Variants in VHL observed in about 807,000 individuals in gnomAD.
VHL encodes von Hippel-Lindau tumor suppressor.
In VHL, 10 loss-of-function variants were observed where a neutral mutation model predicts 19.2. That is an observed-to-expected ratio of 0.52 (90% CI 0.32 to 0.89). The LOEUF (loss-of-function observed/expected upper bound fraction) is 0.89. VHL is among the 40% of genes least tolerant of loss of function. The pLI, the probability that VHL is intolerant of heterozygous loss-of-function variation, is 0.03. For synonymous variants in VHL, 167 were observed against 129.5 expected (o/e 1.29, Z -1.97); for missense variants, 328 against 292.7 (o/e 1.12, Z -0.88).
Position 10,151,052 on chromosome 3 carries a change from G to C in VHL, c.*1087G>C, listed in dbSNP as rs889996347. 1.1e-5 allele frequency: 2 copies of C among 188,730 alleles called. No homozygotes were observed. Among genetic ancestry groups the C allele is most frequent in the Non-Finnish European group, 2.2e-5 (2 of 89,898 alleles). 11.7% of individuals were successfully genotyped at this position (188,730 alleles called of 1,614,324 possible). On this transcript the variant is annotated 3_prime_UTR_variant, in exon 3 of 3. Coordinates refer to ENST00000256474, the MANE Select transcript of VHL (RefSeq NM_000551.4). ...CCTGCCACCACGCTGGCCAATTTTT[G>C]TACTTTTAGTAGAGACAGTGTTTCG... is the stretch of plus-strand genomic sequence containing the variant.
In VHL at chr3:10,142,025, C is replaced by A; in HGVS notation, c.178C>A (p.Arg60=). 1 of 1,595,554 alleles carries A rather than the reference C, an allele frequency of 6.3e-7. No homozygotes were observed. The part of the protein sequence containing the change: ...AEEEMEAGRP[R]PVLRSVNSRE... ...GGAGGAGATGGAGGCCGGGCGGCCG[C>A]GGCCCGTGCTGCGCTCGGTGAACTC... Residue 60 remains arginine, a synonymous_variant, in exon 1 of 3, where the codon CGG becomes AGG. Transcript: ENST00000256474.
At position 10,150,934 on chromosome 3, in the gene VHL, C is replaced by T. The variant is rs1696394553; in HGVS notation, c.*969C>T. The T allele has an allele frequency of 4.8e-6, 1 of 207,046 alleles. No individual in the cohort carries two copies. Among genetic ancestry groups the T allele is most frequent in the Admixed American group, 5.9e-5 (1 of 16,864 alleles). The allele number at this position is 207,046 out of a possible 1,614,324, so 12.8% of individuals were successfully genotyped here. A position where few individuals can be genotyped will look rare whatever the true frequency, so the allele number is the denominator to read the frequency against. On this transcript the variant is annotated 3_prime_UTR_variant, in exon 3 of 3. Transcript: ENST00000256474. ...TTGAGATGGAGTCTCACTCTTGTCA[C>T]CCAGGCTGGAGTGCAGTGGCGCCAT...
Position 10,146,518 on chromosome 3 carries a change from C to T in VHL, c.345C>T (p.His115=), listed in dbSNP as rs864622646. 1 of 1,613,774 alleles carries T rather than the reference C, an allele frequency of 6.2e-7. No individual in the cohort carries two copies. The highest frequency in any genetic ancestry group is 8.5e-7 in the Non-Finnish European group (1 of 1,179,780). Residue 115 remains histidine (H), a synonymous_variant, in exon 2 of 3, where the codon CAC becomes CAT. Transcript: ENST00000256474. Reference sequence around the variant, plus strand: ...AACCTTTGCTTGTCCCGATAGGTCACCTTTGGCTCTTCAGAGATGCAGGGA... The same window carrying T: ...AACCTTTGCTTGTCCCGATAGGTCATCTTTGGCTCTTCAGAGATGCAGGGA... The part of the protein sequence containing the change: ...TGRRIHSYRG[H]LWLFRDAGTH...
At chr3:10,144,513 T>TTTTTA (rs1409305385) in intron 1 of VHL, among the ~76,000 whole-genome samples, 3 of 149,206 alleles carry the variant, frequency 2.0e-5, no homozygotes, top group African/African-American at 7.4e-5. Flanking sequence ...TTTTTTTTTT[T>TTTTTA]TGAGACAGGA....
intron 2 of VHL, 79 bp from the exon 3 acceptor site, chr3:10,149,708 G>A (rs2125130321): frequency 2.4e-6 from 3 of 1,244,550 alleles, no homozygotes; most frequent in Non-Finnish European, 2.3e-6. Flanking sequence ...AGTACAGGTA[G>A]TTGTTGGCAA....
At position 10,150,046 on chromosome 3, in the gene VHL, C is replaced by T. The variant is rs961488593; in HGVS notation, c.*81C>T. On this transcript the variant is annotated 3_prime_UTR_variant, in exon 3 of 3. Coordinates refer to ENST00000256474, the MANE Select transcript of VHL (RefSeq NM_000551.4). ...TCTTGATCTAGATACAGGACTGGTT[C>T]CTTCCTTAGTTTCAAAGTGTCTCAT... 3.2e-6 allele frequency: 5 copies of T among 1,558,142 alleles called. No homozygotes were observed. In the African/African-American group the frequency reaches 6.8e-5, roughly 21 times the overall value.
In VHL at chr3:10,150,341, C is replaced by T; in HGVS notation, c.*376C>T. ...ATCTGCTTTTAATGGATGTATAATACATCCATTCTACATCCGTAGCGGTTG... is the reference window on the plus strand; with the variant it reads ...ATCTGCTTTTAATGGATGTATAATATATCCATTCTACATCCGTAGCGGTTG... On this transcript the variant is annotated 3_prime_UTR_variant, in exon 3 of 3. Transcript: ENST00000256474. The T allele has an allele frequency of 8.0e-7, 1 of 1,248,940 alleles. No individual in the cohort carries two copies. Among genetic ancestry groups the T allele is most frequent in the Non-Finnish European group, 1.0e-6 (1 of 983,748 alleles). 77.4% of individuals were successfully genotyped at this position (1,248,940 alleles called of 1,614,324 possible). A position where few individuals can be genotyped will look rare whatever the true frequency, so the allele number is the denominator to read the frequency against.
rs541502263 is a variant in VHL at position 10,151,714 on chromosome 3, C to T, written c.*1749C>T. The stretch of plus-strand genomic sequence containing the variant: ...TTATAATTAATGTTTGTGGGTATTT[C>T]TTGGCATGCATCTTTAATTCCTTAT... On this transcript the variant is annotated 3_prime_UTR_variant, in exon 3 of 3. Coordinates refer to ENST00000256474, the MANE Select transcript of VHL (RefSeq NM_000551.4). 36 of 208,100 alleles carry T rather than the reference C, an allele frequency of 1.7e-4. No homozygotes were observed. Among genetic ancestry groups the T allele is most frequent in the Admixed American group, 5.9e-4 (10 of 16,862 alleles). The allele number at this position is 208,100 out of a possible 1,614,324, so 12.9% of individuals were successfully genotyped here. A position where few individuals can be genotyped will look rare whatever the true frequency, so the allele number is the denominator to read the frequency against.
chr3:10,141,946 G>C lies in VHL; in HGVS notation c.99G>C (p.Ser33=), dbSNP rs912159589. The C allele has an allele frequency of 3.2e-6, 5 of 1,542,294 alleles. No homozygotes were observed. The highest frequency in any genetic ancestry group is 4.9e-5 in the East Asian group (2 of 40,802). ...YGPEEDGGEE[S]GAEESGPEES... The stretch of plus-strand genomic sequence containing the variant: ...CTGAAGAAGACGGCGGGGAGGAGTC[G>C]GGCGCCGAGGAGTCCGGCCCGGAAG... Residue 33 remains serine, a synonymous_variant, in exon 1 of 3, where the codon TCG becomes TCC. Coordinates refer to ENST00000256474, the MANE Select transcript of VHL (RefSeq NM_000551.4).
chr3:10,148,315 C>CT (rs71307724), intron 2 of VHL, among the ~76,000 whole-genome samples: 29,070 of 125,436 alleles, frequency 0.23, 4,733 homozygotes, highest in Non-Finnish European at 0.34. Flanking sequence ...ACTAGATTTT[C>CT]TTTTTTTTTT....
chr3:10,146,834 CAAA>C (rs1225241847), intron 2 of VHL, among the ~76,000 whole-genome samples, 198 bp downstream of exon 2: 1 of 152,110 alleles, frequency 6.6e-6, no homozygotes, highest in African/African-American at 2.4e-5. Context: ...TATGGTGTCT[CAAA>C]AGCACTTTGG....
chr3:10,151,645 T>C lies in VHL; in HGVS notation c.*1680T>C, dbSNP rs561087293. 7.5e-4 allele frequency: 163 copies of C among 217,892 alleles called. 1 individual carries two copies. The South Asian group carries it at 0.019, about 25-fold the overall frequency. The allele number at this position is 217,892 out of a possible 1,614,324, so 13.5% of individuals were successfully genotyped here. ...TAACTTTATAACTTAAATATTGCTC[T>C]ATGTTAGTATAAGCTTTTCACAAAC... is the stretch of plus-strand genomic sequence containing the variant. On this transcript the variant is annotated 3_prime_UTR_variant, in exon 3 of 3. Transcript: ENST00000256474.
chr3:10,142,380 C>T (rs974759615), intron 1 of VHL, among the ~76,000 whole-genome samples, 193 bp downstream of exon 1: 11 of 142,936 alleles, frequency 7.7e-5, no homozygotes, highest in Non-Finnish European at 1.5e-4. Context: ...GAGTCTCGCT[C>T]TGTCGCCCAG....
intron 1 of VHL, among the ~76,000 whole-genome samples, chr3:10,146,044 G>T (rs986087659): frequency 6.6e-6 from 1 of 152,096 alleles, no homozygotes; most frequent in Non-Finnish European, 1.5e-5. Context: ...TGGATCTGTT[G>T]TGAGGACTGA....
intron 1 of VHL, among the ~76,000 whole-genome samples, chr3:10,143,437 G>A (rs1380872140): frequency 2.0e-5 from 3 of 151,980 alleles, no homozygotes; most frequent in African/African-American, 7.3e-5. Flanking sequence ...CCCTTTGAAA[G>A]TTTTTCAGTA....
rs545778681 is a variant in VHL at position 10,148,438 on chromosome 3, C to A, written c.464-1349C>A. 3.2e-4 allele frequency among the ~76,000 whole-genome samples: 48 copies of A among 148,532 alleles called. No individual in the cohort carries two copies. The South Asian group carries it at 9.8e-3, about 30-fold the overall frequency. ...CACGCCATTCTCCTGCCTCAGCCTC[C>A]CAAGTAGCTGGGACTACAGGCGCCC... On this transcript the variant is annotated intron_variant, in intron 2 of 2. Coordinates refer to ENST00000256474, the MANE Select transcript of VHL (RefSeq NM_000551.4).
At chr3:10,144,448 C>G (rs1696204523) in intron 1 of VHL, among the ~76,000 whole-genome samples, 2 of 150,188 alleles carry the variant, frequency 1.3e-5, no homozygotes, top group Non-Finnish European at 2.9e-5. Flanking sequence ...TGAATAGTTG[C>G]TGTACTCTAG....
intron 1 of VHL, 94 bp downstream of exon 1, chr3:10,142,281 C>T: frequency 6.9e-7 from 1 of 1,440,034 alleles, no homozygotes. Flanking sequence ...AGACGGGGAA[C>T]TGAGGCCCCT....
At chr3:10,148,045 A>G (rs1575929861) in intron 2 of VHL, among the ~76,000 whole-genome samples, 1 of 152,032 alleles carries the variant, frequency 6.6e-6, no homozygotes, top group East Asian at 1.9e-4. Context: ...GCAGTGAGCC[A>G]TGATCATACC....
Sources: gnomAD v4.1 joint callset for allele counts (sites outside exome capture counted in the v4.1 genomes callset) on GRCh38, gnomAD v4.1.1 for gene constraint, MANE v1.5 for transcripts, NCBI Gene and HGNC (gene_info 2026-07-23, HGNC 2026-07-21) for gene names.